Variants in PCNX1 observed in about 807,000 individuals in gnomAD.
PCNX1 encodes pecanex 1.
In PCNX1, 78 loss-of-function variants were observed where a neutral mutation model predicts 242.2. That is an observed-to-expected ratio of 0.32 (90% CI 0.27 to 0.39). The LOEUF is 0.39. PCNX1 is among the 10% of genes least tolerant of loss of function. PCNX1 has a pLI of 1.00. For synonymous variants in PCNX1, 1,024 were observed against 1,032.9 expected, an observed-to-expected ratio of 0.99 and a Z score of 0.17; for missense variants, 2,581 against 2,856.5, an observed-to-expected ratio of 0.90 and a Z score of 2.20.
intron 2 of PCNX1, among the ~76,000 whole-genome samples, chr14:70,961,752 G>C (rs778259632): frequency 6.6e-5 from 10 of 152,140 alleles, no homozygotes; most frequent in Non-Finnish European, 1.5e-4. Context: ...CAGGGCGACT[G>C]TTCTCTTGTG....
intron 6 of PCNX1, among the ~76,000 whole-genome samples, chr14:70,983,423 G>GT (rs2058902246): frequency 6.6e-6 from 1 of 152,052 alleles, no homozygotes; most frequent in South Asian, 2.1e-4. Context: ...TCCTGCCTCA[G>GT]CCTCCCGAGT....
At chr14:71,073,909 C>T in intron 27 of PCNX1, 111 bp downstream of exon 27, 1 of 658,868 alleles carries the variant, frequency 1.5e-6, no homozygotes. Flanking sequence ...TGCTTTGCTT[C>T]CAAGTACTTA....
chr14:71,036,296 G>A (rs1772510288), intron 19 of PCNX1, 139 bp downstream of exon 19: 1 of 610,068 alleles, frequency 1.6e-6, no homozygotes, highest in Admixed American at 2.5e-5. Flanking sequence ...CTCCCACGTA[G>A]CTAGGACTAC....
rs373770960 is a variant in PCNX1 at position 71,071,459 on chromosome 14, A to G, written c.4853-2086A>G. Among the ~76,000 whole-genome samples the G allele has an allele frequency of 3.6e-3, 551 of 152,154 alleles. 1 individual carries two copies. Among genetic ancestry groups the G allele is most frequent in the African/African-American group, 0.013 (534 of 41,522 alleles). On this transcript the variant is annotated intron_variant, in intron 26 of 35. Coordinates refer to ENST00000304743, the MANE Select transcript of PCNX1 (RefSeq NM_014982.3). ...AGTGTTGGAGGAGGGGTTTGGTGGG[A>G]TGTGATTAGATCATGGGGGTAGATT... is the stretch of plus-strand genomic sequence containing the variant.
At chr14:70,996,624 G>T (rs2059360550) in intron 8 of PCNX1, among the ~76,000 whole-genome samples, 1 of 152,036 alleles carries the variant, frequency 6.6e-6, no homozygotes, top group Admixed American at 6.5e-5. Flanking sequence ...TTTGGTTTCT[G>T]TGTCTCTGTA....
chr14:71,046,872 G>T, intron 20 of PCNX1, 92 bp from the exon 21 acceptor site: 1 of 887,288 alleles, frequency 1.1e-6, no homozygotes. Flanking sequence ...TTGTAGTTTG[G>T]TACTAAATTT....
At chr14:70,962,464 C>T (rs2058250672) in intron 3 of PCNX1, 133 bp downstream of exon 3, 1 of 569,078 alleles carries the variant, frequency 1.8e-6, no homozygotes, top group South Asian at 2.4e-5. Flanking sequence ...TTATTAATAA[C>T]ATCTTTTATT....
chr14:70,977,245 T>C lies in PCNX1; in HGVS notation c.908T>C (p.Leu303Pro). Residue 303 changes from leucine (L) to proline (P), a missense_variant, in exon 6 of 36, where the codon CTT becomes CCT. This residue lies in a region of PCNX1 where 1,204 missense variants were observed against 1,216.7 expected (regional missense o/e 0.99). Coordinates refer to ENST00000304743, the MANE Select transcript of PCNX1 (RefSeq NM_014982.3). ...FPDTSLNDFPLYQQRRGLDPV... is the reference protein window; with the variant it reads ...FPDTSLNDFPPYQQRRGLDPV... ...GACACTTCACTGAATGATTTTCCCC[T>C]TTATCAGCAAAGACGTGGATTAGAT... is the stretch of plus-strand genomic sequence containing the variant. 6.2e-7 allele frequency: 1 copy of C among 1,614,206 alleles called. No individual in the cohort carries two copies. Among genetic ancestry groups the C allele is most frequent in the Non-Finnish European group, 8.5e-7 (1 of 1,180,022 alleles).
intron 28 of PCNX1, chr14:71,078,850 C>CT (rs1406219358): frequency 2.0e-4 from 30 of 152,044 alleles, no homozygotes; most frequent in African/African-American, 6.8e-4. Context: ...TCTCATGTTT[C>CT]TTTTTTAATT....
chr14:70,913,921 G>C (rs2056038392), intron 1 of PCNX1, among the ~76,000 whole-genome samples: 2 of 152,122 alleles, frequency 1.3e-5, no homozygotes, highest in Non-Finnish European at 2.9e-5. Context: ...AATGACTAGT[G>C]GATGGCCTGT....
chr14:70,971,042 A>G (rs1166858534), intron 5 of PCNX1, among the ~76,000 whole-genome samples: 1 of 152,022 alleles, frequency 6.6e-6, no homozygotes, highest in African/African-American at 2.4e-5. Context: ...CACAGCTACA[A>G]AGTGACAGTC....
intron 2 of PCNX1, among the ~76,000 whole-genome samples, chr14:70,954,149 T>G (rs993615403): frequency 1.1e-4 from 16 of 152,208 alleles, no homozygotes; most frequent in African/African-American, 3.9e-4. Context: ...ATTTACCCAG[T>G]ATTTGTTAAG....
chr14:70,989,947 C>T (rs1480283854), intron 7 of PCNX1, among the ~76,000 whole-genome samples: 2 of 152,174 alleles, frequency 1.3e-5, no homozygotes, highest in African/African-American at 4.8e-5. Context: ...TATTTTCTAG[C>T]TACATTTTAA....
rs774457106 is a variant in PCNX1, at chr14:71,109,912, C to G, written c.7003C>G (p.Leu2335Val). Reference sequence around the variant, plus strand: ...TGTGACTGTAATTGAAACTGGGGTACTAGAACTTGGGGCTGAAGTGTGAGC... The same window carrying G: ...TGTGACTGTAATTGAAACTGGGGTAGTAGAACTTGGGGCTGAAGTGTGAGC... The part of the protein sequence containing the change: ...KYVTVIETGV[L>V]ELGAEV Residue 2335 changes from leucine (L) to valine (V), a missense_variant, in exon 36 of 36, where the codon CTA becomes GTA. Physicochemically the swap from Leu to Val is conservative, Grantham distance 32. Around this residue, in one of 9 missense-constraint regions of PCNX1, gnomAD observed 432 missense variants for 433.6 expected, o/e 1.00. Coordinates refer to ENST00000304743, the MANE Select transcript of PCNX1 (RefSeq NM_014982.3). The G allele has an allele frequency of 2.5e-6, 4 of 1,613,296 alleles. No homozygotes were observed. Among genetic ancestry groups the G allele is most frequent in the Non-Finnish European group, 3.4e-6 (4 of 1,179,378 alleles).
At chr14:70,994,398 T>TAG (rs1020077571) in intron 7 of PCNX1, among the ~76,000 whole-genome samples, 24 of 26,006 alleles carry the variant, frequency 9.2e-4, no homozygotes, top group East Asian at 5.1e-3. Flanking sequence ...AGGCTTAAGA[T>TAG]ATATATATAT....
chr14:70,977,109 G>C lies in PCNX1; in HGVS notation c.772G>C (p.Ala258Pro). Residue 258 changes from alanine to proline, a missense_variant, in exon 6 of 36, where the codon GCC (alanine) becomes CCC (proline). Ala to Pro is a conservative substitution (Grantham distance 27, BLOSUM62 -1). This residue lies in a region of PCNX1 where 1,204 missense variants were observed against 1,216.7 expected (regional missense o/e 0.99). Coordinates refer to ENST00000304743, the MANE Select transcript of PCNX1 (RefSeq NM_014982.3). ...HHHVDQSLSS[A>P]CDTEVASLVP... ...CCATGTTGATCAGTCTCTGTCCAGC[G>C]CCTGTGACACAGAAGTAGCTTCTCT... The C allele has an allele frequency of 1.2e-6, 2 of 1,614,154 alleles. No homozygotes were observed. The highest frequency in any genetic ancestry group is 2.2e-5 in the East Asian group (1 of 44,870).
intron 1 of PCNX1, among the ~76,000 whole-genome samples, chr14:70,923,989 G>T (rs959548669): frequency 3.9e-5 from 6 of 152,242 alleles, no homozygotes; most frequent in Admixed American, 3.3e-4. Context: ...CCAGCACTTT[G>T]GGAGGCCGAG....
At chr14:70,959,644 G>C (rs2058132811) in intron 2 of PCNX1, among the ~76,000 whole-genome samples, 4 of 147,768 alleles carry the variant, frequency 2.7e-5, no homozygotes, top group South Asian at 4.4e-4. Context: ...GGACATTTGG[G>C]TTGGTTCCAA....
intron 5 of PCNX1, among the ~76,000 whole-genome samples, chr14:70,975,045 A>G (rs1456834658): frequency 1.3e-5 from 2 of 152,184 alleles, no homozygotes; most frequent in African/African-American, 2.4e-5. Context: ...TTTCTGTTTT[A>G]TTAATTTATC....
Sources: gnomAD v4.1 joint callset for allele counts (sites outside exome capture counted in the v4.1 genomes callset) on GRCh38, gnomAD v4.1.1 for gene constraint, gnomAD v4.1.1 regional missense constraint, MANE v1.5 for transcripts, NCBI Gene and HGNC (gene_info 2026-07-23, HGNC 2026-07-21) for gene names.